SORCS3: variants seen among roughly 807,000 people sequenced by gnomAD.
SORCS3 encodes sortilin related VPS10 domain containing receptor 3, also known as VPS10 domain-containing receptor SorCS3.
SORCS3 carries 57 observed loss-of-function variants against 146.3 expected under a neutral mutation model. The ratio of observed to expected loss-of-function variants is 0.39; its 90% CI spans 0.31 to 0.49. The LOEUF (loss-of-function observed/expected upper bound fraction) is 0.49, where lower values mean the gene tolerates loss of function less well. Ranked by LOEUF, SORCS3 falls within the 20% of genes least tolerant of loss-of-function variation. The pLI, the probability that SORCS3 is intolerant of heterozygous loss-of-function variation, is 0.92. For synonymous variants in SORCS3, 653 were observed against 618.5 expected (o/e 1.06, Z -0.83); for missense variants, 1,341 against 1,575.5 (o/e 0.85, Z 2.52).
intron 1 of SORCS3, among the ~76,000 whole-genome samples, chr10:104,660,767 A>G (rs1331912724): frequency 6.6e-6 from 1 of 152,204 alleles, no homozygotes; most frequent in Non-Finnish European, 1.5e-5. Context: ...TAGGGCTGGC[A>G]TCAGGGAGAG....
Position 104,933,032 on chromosome 10 carries a change from C to T in SORCS3, c.795+17100C>T, listed in dbSNP as rs139095037. ...AGACATGAGCCACTGTGCTGGCCCC[C>T]TTGGACAAGTTTTAATTGTTCCATA... On this transcript the variant is annotated intron_variant, in intron 3 of 26. Coordinates refer to ENST00000369701, the MANE Select transcript of SORCS3 (RefSeq NM_014978.3). 3.1e-3 allele frequency among the ~76,000 whole-genome samples: 468 copies of T among 152,262 alleles called. 4 individuals carry two copies. Among genetic ancestry groups the T allele is most frequent in the African/African-American group, 0.01 (428 of 41,538 alleles).
chr10:104,818,595 C>A (rs542955714), intron 1 of SORCS3, among the ~76,000 whole-genome samples: 6 of 152,078 alleles, frequency 3.9e-5, no homozygotes, highest in Non-Finnish European at 8.8e-5. Context: ...GCAGCCCTGT[C>A]CTTGGCTACT....
At chr10:105,234,853 T>A (rs1256376257) in intron 20 of SORCS3, among the ~76,000 whole-genome samples, 3 of 152,168 alleles carry the variant, frequency 2.0e-5, no homozygotes, top group Non-Finnish European at 4.4e-5. Flanking sequence ...ACATCCCTGT[T>A]GTATCAGACT....
chr10:105,170,737 A>G (rs952260672), intron 13 of SORCS3, among the ~76,000 whole-genome samples: 1 of 152,212 alleles, frequency 6.6e-6, no homozygotes, highest in Non-Finnish European at 1.5e-5. Flanking sequence ...AGCAACAACA[A>G]CCAACTCATT....
intron 1 of SORCS3, among the ~76,000 whole-genome samples, chr10:104,822,990 T>C (rs2017892330): frequency 6.6e-6 from 1 of 152,134 alleles, no homozygotes; most frequent in South Asian, 2.1e-4. Flanking sequence ...AGGAAGTACA[T>C]GCATTCTGGG....
chr10:104,814,426 T>C (rs2017773728), intron 1 of SORCS3, among the ~76,000 whole-genome samples: 1 of 152,208 alleles, frequency 6.6e-6, no homozygotes, highest in South Asian at 2.1e-4. Context: ...CAACTGTCTT[T>C]GTCATTCCTG....
intron 3 of SORCS3, among the ~76,000 whole-genome samples, chr10:104,936,443 C>T (rs961163018): frequency 7.2e-5 from 11 of 152,156 alleles, no homozygotes; most frequent in Admixed American, 1.3e-4. Context: ...GGTGGGGTTC[C>T]GAGGATTTCA....
chr10:104,666,380 G>A (rs994843395), intron 1 of SORCS3, among the ~76,000 whole-genome samples: 1 of 152,094 alleles, frequency 6.6e-6, no homozygotes, highest in African/African-American at 2.4e-5. Flanking sequence ...AAAGGGGAGA[G>A]GATTGAAACT....
chr10:104,901,057 T>C, intron 2 of SORCS3, among the ~76,000 whole-genome samples: 1 of 152,216 alleles, frequency 6.6e-6, no homozygotes, highest in Non-Finnish European at 1.5e-5. Flanking sequence ...CCTACTTTTT[T>C]CATGAAGTCT....
chr10:104,873,429 A>G (rs1413094647), intron 2 of SORCS3, among the ~76,000 whole-genome samples: 2 of 152,244 alleles, frequency 1.3e-5, no homozygotes, highest in Non-Finnish European at 2.9e-5. Context: ...CACTGAACAC[A>G]GGCAATCAAC....
chr10:105,154,186 C>T (rs956738757), intron 9 of SORCS3, among the ~76,000 whole-genome samples: 1 of 152,024 alleles, frequency 6.6e-6, no homozygotes, highest in Non-Finnish European at 1.5e-5. Context: ...CTTCCCTCTG[C>T]TTTATCAGGA....
chr10:105,207,272 T>TTTAGTA (rs1554886618), intron 16 of SORCS3, among the ~76,000 whole-genome samples: 2 of 147,148 alleles, frequency 1.4e-5, no homozygotes, highest in East Asian at 3.9e-4. Context: ...CATGCAGAGG[T>TTTAGTA]TTATTATTAT....
chr10:104,733,520 ATTTTTTTT>A (rs34203788), intron 1 of SORCS3, among the ~76,000 whole-genome samples: 2 of 123,354 alleles, frequency 1.6e-5, no homozygotes, highest in African/African-American at 3.0e-5. Context: ...CTGATGATTA[ATTTTTTTT>A]TTTTTTTTTT....
At chr10:104,981,766 G>A (rs766210805) in intron 4 of SORCS3, among the ~76,000 whole-genome samples, 7 of 152,184 alleles carry the variant, frequency 4.6e-5, no homozygotes, top group Non-Finnish European at 7.3e-5. Context: ...CCTGGCACAG[G>A]GGGCCTTCCG....
Position 105,171,395 on chromosome 10 carries a change from G to A in SORCS3, c.1901+4046G>A, listed in dbSNP as rs1172485263. 2.6e-5 allele frequency among the ~76,000 whole-genome samples: 4 copies of A among 152,148 alleles called. No individual in the cohort carries two copies. The East Asian group carries it at 7.7e-4, about 29-fold the overall frequency. On this transcript the variant is annotated intron_variant, in intron 13 of 26. Transcript: ENST00000369701. ...AAACAATGGGCCCCCACTGAATAGA[G>A]AGATCTGATGAAAACTCACAATCGG...
At chr10:105,174,333 A>G (rs921861669) in intron 13 of SORCS3, among the ~76,000 whole-genome samples, 1 of 152,120 alleles carries the variant, frequency 6.6e-6, no homozygotes, top group African/African-American at 2.4e-5. Flanking sequence ...TTAATGAGCT[A>G]CTGACCTGAG....
rs1589515345 is a variant in SORCS3, at chr10:104,829,437, AG to A, written c.628-13353del. Among the ~76,000 whole-genome samples, 6 of 152,292 alleles carry A rather than the reference AG, an allele frequency of 3.9e-5. No homozygotes were observed. In the East Asian group the frequency reaches 1.2e-3, roughly 29 times the overall value. On this transcript the variant is annotated intron_variant, in intron 1 of 26. Coordinates refer to ENST00000369701, the MANE Select transcript of SORCS3 (RefSeq NM_014978.3). ...TAGAGAACAGGAGAAGGGCTTTCAG[AG>A]GAGGGAGAAGAGCATAATGGAAAGG...
chr10:104,675,807 T>C (rs991505684), intron 1 of SORCS3, among the ~76,000 whole-genome samples: 1 of 152,230 alleles, frequency 6.6e-6, no homozygotes, highest in African/African-American at 2.4e-5. Context: ...TTGCCAATCT[T>C]ATCTTTTTTT....
chr10:104,884,588 T>C (rs1564705545), intron 2 of SORCS3, among the ~76,000 whole-genome samples: 1 of 152,128 alleles, frequency 6.6e-6, no homozygotes, highest in Non-Finnish European at 1.5e-5. Context: ...AATCATGTTG[T>C]ACTGTATGGG....
Sources: gnomAD v4.1 joint callset for allele counts (sites outside exome capture counted in the v4.1 genomes callset) on GRCh38, gnomAD v4.1.1 for gene constraint, MANE v1.5 for transcripts, NCBI Gene and HGNC (gene_info 2026-07-23, HGNC 2026-07-21) for gene names.